Variants in ATXN7 observed in about 807,000 individuals in gnomAD.
ATXN7 encodes the protein ataxin-7.
ATXN7 carries 12 observed loss-of-function variants against 70.5 expected under a neutral mutation model. The ratio of observed to expected loss-of-function variants is 0.17; its 90% CI spans 0.11 to 0.28. The LOEUF (loss-of-function observed/expected upper bound fraction) is 0.28, where lower values mean the gene tolerates loss of function less well. Ranked by LOEUF, ATXN7 falls within the 10% of genes least tolerant of loss-of-function variation. The pLI, the probability that ATXN7 is intolerant of heterozygous loss-of-function variation, is 1.00. For missense variants in ATXN7, 1,256 were observed against 1,131.7 expected (o/e 1.11, Z -1.58); for synonymous variants, 498 against 448.7 (o/e 1.11, Z -1.39).
intron 5 of ATXN7, among the ~76,000 whole-genome samples, chr3:63,964,936 G>A (rs943048866): frequency 1.3e-4 from 20 of 152,320 alleles, no homozygotes; most frequent in African/African-American, 4.3e-4. Flanking sequence ...AGACAGTGAA[G>A]TGGAGTTAGT....
At chr3:63,882,925 C>T (rs568458442) in intron 1 of ATXN7, among the ~76,000 whole-genome samples, 3 of 152,182 alleles carry the variant, frequency 2.0e-5, no homozygotes, top group East Asian at 3.9e-4. Flanking sequence ...GTGGTGTGTG[C>T]CAGGAGTGTG....
chr3:63,877,909 G>A (rs899056863), intron 1 of ATXN7, among the ~76,000 whole-genome samples: 1 of 152,180 alleles, frequency 6.6e-6, no homozygotes, highest in African/African-American at 2.4e-5. Context: ...GCAGATTATG[G>A]TATAAGCATA....
intron 12 of ATXN7, chr3:63,998,176 C>T (rs1226218692): frequency 1.1e-6 from 1 of 899,256 alleles, no homozygotes; most frequent in East Asian, 1.7e-4. Flanking sequence ...GATCTTAATG[C>T]CCACAAGTAA....
intron 5 of ATXN7, among the ~76,000 whole-genome samples, chr3:63,969,104 C>G (rs935840921): frequency 1.3e-5 from 2 of 152,134 alleles, no homozygotes; most frequent in Non-Finnish European, 2.9e-5. Flanking sequence ...TACTGTTTCT[C>G]TCTTCAGAAA....
At chr3:63,952,540 T>A (rs757485946) in intron 5 of ATXN7, 57 bp downstream of exon 5, 155 of 1,284,808 alleles carry the variant, frequency 1.2e-4, no homozygotes, top group Non-Finnish European at 1.7e-4. Context: ...AAAGCAAGAT[T>A]AAACTAAGGA....
At chr3:63,911,046 A>T (rs1473352659) in intron 2 of ATXN7, among the ~76,000 whole-genome samples, 1 of 152,120 alleles carries the variant, frequency 6.6e-6, no homozygotes, top group Non-Finnish European at 1.5e-5. Context: ...AAAAAAAAAA[A>T]GAATTCCACT....
upstream of ATXN7, chr3:63,863,806 G>C: frequency 9.0e-7 from 1 of 1,108,454 alleles, no homozygotes; most frequent in South Asian, 4.0e-5. Context: ...GCGCGGCGGC[G>C]GCGGCGGCGG....
intron 11 of ATXN7, among the ~76,000 whole-genome samples, chr3:63,994,684 C>G (rs934442702): frequency 2.0e-5 from 3 of 152,200 alleles, no homozygotes; most frequent in African/African-American, 7.2e-5. Flanking sequence ...CCAGGGCTAC[C>G]CCTTAAGTCA....
intron 9 of ATXN7, among the ~76,000 whole-genome samples, chr3:63,988,641 CT>C (rs2075617294): frequency 6.6e-6 from 1 of 152,172 alleles, no homozygotes; most frequent in South Asian, 2.1e-4. Flanking sequence ...GACAGGAACT[CT>C]TCACATGGCT....
Position 63,995,923 on chromosome 3 carries a change from G to A in ATXN7, c.2101G>A (p.Gly701Ser). Residue 701 changes from glycine to serine, a missense_variant, in exon 12 of 13, where the codon GGC becomes AGC. By Grantham distance (56) the Gly-to-Ser change is moderately conservative (BLOSUM62 0). Transcript: ENST00000674280. ...TCAAAATGCCAGTAGCAGTACCAGT[G>A]GCGGCTCAGGAAAGAAACGCAAAAA... is the stretch of plus-strand genomic sequence containing the variant. Reference protein sequence around the residue: ...NCQNASSSTSGGSGKKRKNSS... With the variant: ...NCQNASSSTSSGSGKKRKNSS... 1.2e-6 allele frequency: 2 copies of A among 1,614,180 alleles called. No homozygotes were observed. Among genetic ancestry groups the A allele is most frequent in the Non-Finnish European group, 1.7e-6 (2 of 1,180,036 alleles).
Position 63,905,989 on chromosome 3 carries a change from G to A in ATXN7, c.-11-6599G>A, listed in dbSNP as rs549872403. Among the ~76,000 whole-genome samples, 3 of 152,348 alleles carry A rather than the reference G, an allele frequency of 2.0e-5. No individual in the cohort carries two copies. In the East Asian group the frequency reaches 5.8e-4, roughly 29 times the overall value. On this transcript the variant is annotated intron_variant, in intron 2 of 12. Coordinates refer to ENST00000674280, the MANE Select transcript of ATXN7 (RefSeq NM_001377405.1). ...AAAGGTTTATGAACCAGTACACCTA[G>A]AAGTCATCTGGGGTAAGGTCTTACC...
intron 4 of ATXN7, among the ~76,000 whole-genome samples, chr3:63,946,642 C>CA (rs1201416885): frequency 0.13 from 9,794 of 74,994 alleles, 540 homozygotes; most frequent in East Asian, 0.3. Flanking sequence ...GACTCTGTCT[C>CA]AAAAAAAAAA....
rs3836523 is a variant in ATXN7, at chr3:63,883,540, T to TA, written c.-110-14848dup. ...TTCAGCTGATTCATTTATTCCCAAT[T>TA]AAAAAAAAAAACAAACTAGTTGTAA... On this transcript the variant is annotated intron_variant, in intron 1 of 12. Transcript: ENST00000674280. Among the ~76,000 whole-genome samples the TA allele has an allele frequency of 1.0e-3, 146 of 146,106 alleles. 1 individual carries two copies. The highest frequency in any genetic ancestry group is 1.6e-3 in the Non-Finnish European group (103 of 66,148).
intron 12 of ATXN7, chr3:63,997,513 C>T (rs1200562962): frequency 1.1e-5 from 10 of 895,930 alleles, no homozygotes; most frequent in Middle Eastern, 2.2e-4. Context: ...GTATTTTTGT[C>T]TCGTCCCAGC....
chr3:64,001,853 TA>T lies in ATXN7; in HGVS notation c.*2387del, dbSNP rs2075836464. 6.6e-6 allele frequency: 1 copy of T among 152,198 alleles called. No individual in the cohort carries two copies. Among genetic ancestry groups the T allele is most frequent in the Non-Finnish European group, 1.5e-5 (1 of 68,028 alleles). The allele number at this position is 152,198 out of a possible 1,614,324, so 9.4% of individuals were successfully genotyped here. On this transcript the variant is annotated 3_prime_UTR_variant, in exon 13 of 13. Transcript: ENST00000674280. ...ACCATTTAAAACACGGGAGTACAAG[TA>T]TTTTTTTGAATTAAATTAACTTGCA...
chr3:63,982,888 C>T lies in ATXN7; in HGVS notation c.1013-51C>T. On this transcript the variant is annotated intron_variant, in intron 7 of 12. Coordinates refer to ENST00000674280, the MANE Select transcript of ATXN7 (RefSeq NM_001377405.1). The stretch of plus-strand genomic sequence containing the variant: ...CTTCTATTTTCTTGCTTAAAAAATA[C>T]ATGGAGGAGAGTTTGTCAGGCCACA... The T allele has an allele frequency of 2.2e-6, 3 of 1,380,680 alleles. No individual in the cohort carries two copies. In the South Asian group the frequency reaches 3.5e-5, roughly 16 times the overall value. 85.5% of individuals were successfully genotyped at this position (1,380,680 alleles called of 1,614,324 possible).
chr3:63,892,373 ACCAC>A (rs1703295087), intron 1 of ATXN7, among the ~76,000 whole-genome samples: 1 of 85,332 alleles, frequency 1.2e-5, no homozygotes, highest in Non-Finnish European at 2.4e-5. Context: ...AGACACCTCT[ACCAC>A]ACACACACAC....
chr3:63,977,298 C>G (rs1209450206), intron 5 of ATXN7, among the ~76,000 whole-genome samples: 1 of 152,180 alleles, frequency 6.6e-6, no homozygotes, highest in African/African-American at 2.4e-5. Flanking sequence ...AGCTTCATAG[C>G]AGAACTGAGG....
At position 63,995,611 on chromosome 3, in the gene ATXN7, G is replaced by C; in HGVS notation, c.1789G>C (p.Ala597Pro). ...SQCGVSYLAA[A>P]TVSTSPVLLS... ...ATGTGGAGTCAGCTATCTGGCAGCAGCCACCGTCTCTACATCCCCAGTCCT... is the reference window on the plus strand; with the variant it reads ...ATGTGGAGTCAGCTATCTGGCAGCACCCACCGTCTCTACATCCCCAGTCCT... The change falls in exon 12 of 13, where the codon GCC becomes CCC. Residue 597 changes from alanine to proline, a missense_variant. Physicochemically the swap from Ala to Pro is conservative, Grantham distance 27 (BLOSUM62 -1). Transcript: ENST00000674280. 1.9e-6 allele frequency: 3 copies of C among 1,614,156 alleles called. No individual in the cohort carries two copies. Among genetic ancestry groups the C allele is most frequent in the Non-Finnish European group, 2.5e-6 (3 of 1,180,028 alleles).
Sources: gnomAD v4.1 joint callset for allele counts (sites outside exome capture counted in the v4.1 genomes callset) on GRCh38, gnomAD v4.1.1 for gene constraint, MANE v1.5 for transcripts, NCBI Gene and HGNC (gene_info 2026-07-23, HGNC 2026-07-21) for gene names.